The following HNF1A variants were observed in gnomAD, a reference collection of about 807,000 sequenced individuals.
HNF1A encodes the protein HNF1 homeobox A, also known as hepatocyte nuclear factor 1-alpha.
A neutral mutation model predicts 62.2 loss-of-function variants in HNF1A; 21 were observed. The observed-to-expected ratio is 0.34, with a 90% CI of 0.24 to 0.49. The LOEUF (loss-of-function observed/expected upper bound fraction) is 0.49. HNF1A is among the 20% of genes least tolerant of loss of function. HNF1A has a pLI of 0.99. For synonymous variants in HNF1A, 374 were observed against 366.8 expected, an observed-to-expected ratio of 1.02 and a Z score of -0.22; for missense variants, 687 against 832.3, an observed-to-expected ratio of 0.83 and a Z score of 2.15.
rs186701916 is a variant in HNF1A at position 120,996,507 on chromosome 12, G to C, written c.1108-34G>C. On this transcript the variant is annotated intron_variant, in intron 5 of 9. Coordinates refer to ENST00000257555, the MANE Select transcript of HNF1A (RefSeq NM_000545.8). The surrounding 1 kb of genome is among the most constrained non-coding windows in gnomAD (Gnocchi z 4.5). ...CCTAGGGAGGCCCTGTGGGGACCCCGGCCCCCCGGACACAGCTTGGCTTCC... is the reference window on the plus strand; with the variant it reads ...CCTAGGGAGGCCCTGTGGGGACCCCCGCCCCCCGGACACAGCTTGGCTTCC... 9 of 1,612,724 alleles carry C rather than the reference G, an allele frequency of 5.6e-6. No homozygotes were observed. Among genetic ancestry groups the C allele is most frequent in the Non-Finnish European group, 5.9e-6 (7 of 1,179,654 alleles).
Position 120,994,230 on chromosome 12 carries a change from G to A in HNF1A, c.780G>A (p.Thr260=), listed in dbSNP as rs749633685. 23 of 1,613,404 alleles carry A rather than the reference G, an allele frequency of 1.4e-5. No individual in the cohort carries two copies. Among genetic ancestry groups the A allele is most frequent in the South Asian group, 5.5e-5 (5 of 90,930 alleles). Residue 260 remains threonine, a synonymous_variant, in exon 4 of 10, where the codon ACG becomes ACA. Transcript: ENST00000257555. ...AGGGGCTGGGCTCCAACCTCGTCACGGAGGTGCGTGTCTACAACTGGTTTG... is the reference window on the plus strand; with the variant it reads ...AGGGGCTGGGCTCCAACCTCGTCACAGAGGTGCGTGTCTACAACTGGTTTG... ...QAQGLGSNLV[T]EVRVYNWFAN... is the part of the protein sequence containing the mutation.
intron 7 of HNF1A, 88 bp from the exon 8 acceptor site, chr12:120,999,180 C>G: frequency 6.6e-7 from 1 of 1,523,366 alleles, no homozygotes; most frequent in Non-Finnish European, 9.1e-7. Context: ...TCAGCAGGCC[C>G]CATGCCCCCC....
intron 2 of HNF1A, among the ~76,000 whole-genome samples, chr12:120,991,573 G>A (rs576653567): frequency 6.6e-6 from 1 of 152,308 alleles, no homozygotes; most frequent in African/African-American, 2.4e-5. Context: ...CAGCCTGGGT[G>A]ACAGAGGGAG....
At chr12:120,991,591 CAAAT>C (rs201854017) in intron 2 of HNF1A, among the ~76,000 whole-genome samples, 13,861 of 116,204 alleles carry the variant, frequency 0.12, 851 homozygotes, top group South Asian at 0.17. Flanking sequence ...GAGACTCTGT[CAAAT>C]AAATGTATGT....
chr12:120,979,314 C>T (rs1876131128), intron 1 of HNF1A, among the ~76,000 whole-genome samples: 1 of 152,230 alleles, frequency 6.6e-6, no homozygotes, highest in Non-Finnish European at 1.5e-5. Flanking sequence ...ATCCCATGAG[C>T]CCAGGCCTTT....
intron 1 of HNF1A, among the ~76,000 whole-genome samples, chr12:120,986,426 C>T (rs967325349): frequency 6.6e-6 from 1 of 152,208 alleles, no homozygotes; most frequent in African/African-American, 2.4e-5. Context: ...CATTTGTCAC[C>T]TGTGCCAATA....
At chr12:120,990,290 C>T (rs983086290) in intron 2 of HNF1A, among the ~76,000 whole-genome samples, 7 of 152,166 alleles carry the variant, frequency 4.6e-5, no homozygotes, top group African/African-American at 9.6e-5. Flanking sequence ...TACAGGTGCC[C>T]GCCACCACGC....
Position 120,994,348 on chromosome 12 carries a change from C to T in HNF1A, c.898C>T (p.Pro300Ser), listed in dbSNP as rs1007273274. 5 of 1,602,118 alleles carry T rather than the reference C, an allele frequency of 3.1e-6. No homozygotes were observed. In the African/African-American group the frequency reaches 5.3e-5, roughly 17 times the overall value. Residue 300 changes from proline (P) to serine (S), a missense_variant, in exon 4 of 10, where the codon CCC becomes TCC. By Grantham distance (74) the Pro-to-Ser change is moderately conservative. Coordinates refer to ENST00000257555, the MANE Select transcript of HNF1A (RefSeq NM_000545.8). ...PPGPGPGPAL[P>S]AHSSPGLPPP... ...AGGGCCAGGCCCGGGACCTGCGCTGCCCGCTCACAGCTCCCCTGGCCTGCC... is the reference window on the plus strand; with the variant it reads ...AGGGCCAGGCCCGGGACCTGCGCTGTCCGCTCACAGCTCCCCTGGCCTGCC...
chr12:120,987,767 T>G (rs553396381), intron 1 of HNF1A, among the ~76,000 whole-genome samples: 48 of 10,440 alleles, frequency 4.6e-3, no homozygotes, highest in East Asian at 0.028. Context: ...AAAGTTGATC[T>G]ATCTATCTAT....
chr12:120,999,752 G>C, intron 9 of HNF1A, 125 bp downstream of exon 9: 1 of 1,279,806 alleles, frequency 7.8e-7, no homozygotes, highest in Non-Finnish European at 1.0e-6. Flanking sequence ...CTGCTGTGAG[G>C]AAGCACTGGC....
intron 2 of HNF1A, among the ~76,000 whole-genome samples, chr12:120,991,041 T>C (rs1876810816): frequency 6.6e-6 from 1 of 152,224 alleles, no homozygotes; most frequent in Non-Finnish European, 1.5e-5. Context: ...CTGGCTGTTA[T>C]TTGTTTAACT....
At chr12:120,995,892 T>C (rs763052372) in intron 4 of HNF1A, among the ~76,000 whole-genome samples, 2 of 152,248 alleles carry the variant, frequency 1.3e-5, no homozygotes, top group Non-Finnish European at 2.9e-5. Flanking sequence ...CAACTCAACC[T>C]AAGTTGATTT....
chr12:120,980,159 A>G (rs2135821694), intron 1 of HNF1A, among the ~76,000 whole-genome samples: 1 of 152,272 alleles, frequency 6.6e-6, no homozygotes, highest in East Asian at 1.9e-4. Context: ...CTGCTTCACA[A>G]ATGGGGAAAC....
chr12:121,000,175 G>A (rs893615332), intron 9 of HNF1A, among the ~76,000 whole-genome samples: 1 of 152,150 alleles, frequency 6.6e-6, no homozygotes, highest in African/African-American at 2.4e-5. Context: ...TGATGCCATT[G>A]TCAGGAGTGG....
chr12:120,993,795 G>T, intron 3 of HNF1A, 89 bp downstream of exon 3: 1 of 1,378,586 alleles, frequency 7.3e-7, no homozygotes, highest in Non-Finnish European at 1.0e-6. Flanking sequence ...CCTGTAAAAG[G>T]CTGTCCAGTT....
Position 120,997,471 on chromosome 12 carries a change from C to T in HNF1A, c.1310-3C>T. On this transcript the variant is annotated splice_polypyrimidine_tract_variant and splice_region_variant and intron_variant, in intron 6 of 9. Transcript: ENST00000257555. ...CAGCTGATTCCCTCCCCTTCCACTCCAGGCCTGGCCTCCACGCAGGCACAG... is the reference window on the plus strand; with the variant it reads ...CAGCTGATTCCCTCCCCTTCCACTCTAGGCCTGGCCTCCACGCAGGCACAG... 1 of 1,603,242 alleles carries T rather than the reference C, an allele frequency of 6.2e-7. No homozygotes were observed. Among genetic ancestry groups the T allele is most frequent in the Non-Finnish European group, 8.5e-7 (1 of 1,175,960 alleles).
At chr12:120,986,771 G>A (rs2393775) in intron 1 of HNF1A, among the ~76,000 whole-genome samples, 93,301 of 151,908 alleles carry the variant, frequency 0.61, 28,843 homozygotes, top group African/African-American at 0.68. Context: ...TATTTTTTTC[G>A]TAGAGATGGT....
Position 120,988,833 on chromosome 12 carries a change from G to A in HNF1A, c.327G>A (p.Gln109=). ...HQKAVVETLL[Q]EDPWRVAKMV... The stretch of plus-strand genomic sequence containing the variant: ...AGATCCCGTCCTTGCCCTCTCCCAG[G>A]GAGGACCCGTGGCGTGTGGCGAAGA... The change falls in exon 2 of 10, where the codon CAG becomes CAA. Residue 109 remains glutamine, a splice_region_variant and synonymous_variant. Transcript: ENST00000257555. 1 of 1,614,168 alleles carries A rather than the reference G, an allele frequency of 6.2e-7. No homozygotes were observed. Among genetic ancestry groups the A allele is most frequent in the African/African-American group, 1.3e-5 (1 of 75,046 alleles).
intron 2 of HNF1A, among the ~76,000 whole-genome samples, 168 bp from the exon 3 acceptor site, chr12:120,993,352 T>A (rs1333287120): frequency 6.6e-6 from 1 of 152,198 alleles, no homozygotes; most frequent in African/African-American, 2.4e-5. Flanking sequence ...TGATGGCATG[T>A]GTGCTGTGTG....
Sources: allele counts gnomAD v4.1 joint callset (sites outside exome capture counted in the v4.1 genomes callset), GRCh38; gene constraint gnomAD v4.1.1; non-coding constraint Gnocchi (gnomAD v3.1); transcripts MANE v1.5; gene names NCBI Gene and HGNC (gene_info 2026-07-23, HGNC 2026-07-21).